The following LGALSL variants were observed in gnomAD, a reference collection of about 807,000 sequenced individuals.
LGALSL encodes galectin-related protein.
LGALSL carries 13 observed loss-of-function variants against 19.5 expected under a neutral mutation model. The ratio of observed to expected loss-of-function variants is 0.67; its 90% confidence interval spans 0.43 to 1.06. The LOEUF (loss-of-function observed/expected upper bound fraction) is 1.06. Ranked by LOEUF, LGALSL falls within the 50% of genes least tolerant of loss-of-function variation. The probability of loss-of-function intolerance (pLI) is 0.00; values close to 1 mark genes in which losing one functional copy is unlikely to be tolerated. For synonymous variants in LGALSL, 86 were observed against 78.3 expected, an observed-to-expected ratio of 1.10 and a Z score of -0.52; for missense variants, 189 against 219.3, an observed-to-expected ratio of 0.86 and a Z score of 0.87.
At chr2:64,458,098 C>A (rs1170497635) in intron 4 of LGALSL, among the ~76,000 whole-genome samples, 187 bp from the exon 5 acceptor site, 1 of 152,184 alleles carries the variant, frequency 6.6e-6, no homozygotes, top group Non-Finnish European at 1.5e-5. Context: ...ACATTCTACA[C>A]AGGAATCAGA....
intron 4 of LGALSL, among the ~76,000 whole-genome samples, chr2:64,457,049 T>C (rs1294649753): frequency 6.6e-6 from 1 of 152,170 alleles, no homozygotes; most frequent in African/African-American, 2.4e-5. Context: ...CCCCACTATC[T>C]TCTGGGCAGG....
Position 64,456,516 on chromosome 2 carries a change from C to T in LGALSL, c.375+51C>T, listed in dbSNP as rs375063070. 428 of 1,418,606 alleles carry T rather than the reference C, an allele frequency of 3.0e-4. 1 individual carries two copies. Among genetic ancestry groups the T allele is most frequent in the Middle Eastern group, 2.3e-3 (11 of 4,852 alleles). The allele number at this position is 1,418,606 out of a possible 1,614,324, so 87.9% of individuals were successfully genotyped here. ...CAGCCACTGGCAGGCTGATAATGTT[C>T]GACTTACCTAGTGTGTGCCAAGAAC... On this transcript the variant is annotated intron_variant, in intron 4 of 4. Transcript: ENST00000238875.
intron 4 of LGALSL, 87 bp from the exon 5 acceptor site, chr2:64,458,198 C>A: frequency 8.0e-7 from 1 of 1,254,310 alleles, no homozygotes; most frequent in Non-Finnish European, 1.1e-6. Context: ...ACTGAAGATA[C>A]TGCCTTTCTT....
chr2:64,456,159 C>T (rs1686732489), intron 3 of LGALSL, 129 bp from the exon 4 acceptor site: 1 of 702,538 alleles, frequency 1.4e-6, no homozygotes. Context: ...ATAATCTAAC[C>T]TCTCTTGAAG....
chr2:64,460,553 C>A lies in LGALSL; in HGVS notation c.*2125C>A, dbSNP rs942789827. Reference sequence around the variant, plus strand: ...TGACACGCTTATTCTGTCTACCTATCAGCTAACTCATTAGCAGCCAAGCCC... The same window carrying A: ...TGACACGCTTATTCTGTCTACCTATAAGCTAACTCATTAGCAGCCAAGCCC... On this transcript the variant is annotated 3_prime_UTR_variant, in exon 5 of 5. Transcript: ENST00000238875. The A allele has an allele frequency of 1.3e-5, 2 of 152,212 alleles. No individual in the cohort carries two copies. The highest frequency in any genetic ancestry group is 4.8e-5 in the African/African-American group (2 of 41,446). The allele number at this position is 152,212 out of a possible 1,614,324, so 9.4% of individuals were successfully genotyped here.
In LGALSL at chr2:64,455,367, C is replaced by G; in HGVS notation, c.60C>G (p.Asn20Lys). 6.2e-7 allele frequency: 1 copy of G among 1,613,742 alleles called. No individual in the cohort carries two copies. The highest frequency in any genetic ancestry group is 8.5e-7 in the Non-Finnish European group (1 of 1,179,600). Residue 20 changes from asparagine (N) to lysine (K), a missense_variant, in exon 2 of 5, where the codon AAC becomes AAG. Physicochemically the swap from Asn to Lys is moderately conservative, Grantham distance 94. Around this residue, in one of 3 missense-constraint regions of LGALSL, gnomAD observed 62 missense variants for 49.0 expected, o/e 1.27. Coordinates refer to ENST00000238875, the MANE Select transcript of LGALSL (RefSeq NM_014181.3). ...AVVKLDDGHLNNSLSSPVQAD... is the reference protein window; with the variant it reads ...AVVKLDDGHLKNSLSSPVQAD... The stretch of plus-strand genomic sequence containing the variant: ...AGAAACTAGATGATGGCCATTTAAA[C>G]AACTCTTTGAGCTCTCCAGTTCAAG...
chr2:64,454,707 C>A lies in LGALSL; in HGVS notation c.36+126C>A. ...GGCCGGCGCCCGGCGCGTGGGAAGG[C>A]GCCCGGTACCTGTTAGCAGCCGCTG... is the stretch of plus-strand genomic sequence containing the variant. On this transcript the variant is annotated intron_variant, in intron 1 of 4. Coordinates refer to ENST00000238875, the MANE Select transcript of LGALSL (RefSeq NM_014181.3). The surrounding 1 kb of genome is among the most constrained non-coding windows in gnomAD (Gnocchi z 5.1). The A allele has an allele frequency of 5.2e-6, 3 of 573,584 alleles. No homozygotes were observed. The highest frequency in any genetic ancestry group is 5.0e-6 in the Non-Finnish European group (2 of 399,080). 35.5% of individuals were successfully genotyped at this position (573,584 alleles called of 1,614,324 possible).
chr2:64,457,348 C>T (rs1686752087), intron 4 of LGALSL, among the ~76,000 whole-genome samples: 1 of 151,542 alleles, frequency 6.6e-6, no homozygotes, highest in African/African-American at 2.4e-5. Flanking sequence ...TGCTTGAGCC[C>T]AGGAATTCAA....
chr2:64,458,371 A>T lies in LGALSL; in HGVS notation c.462A>T (p.Leu154Phe). The T allele has an allele frequency of 6.2e-7, 1 of 1,614,080 alleles. No individual in the cohort carries two copies. The highest frequency in any genetic ancestry group is 8.5e-7 in the Non-Finnish European group (1 of 1,179,934). ...LFDFYHRIQTLSAIDTIKING... is the reference protein window; with the variant it reads ...LFDFYHRIQTFSAIDTIKING... ...ATTTTTACCATCGCATTCAAACGTT[A>T]TCTGCAATTGACACCATAAAGATAA... is the stretch of plus-strand genomic sequence containing the variant. Residue 154 changes from leucine (L) to phenylalanine (F), a missense_variant, in exon 5 of 5, where the codon TTA becomes TTT. Leu to Phe is a conservative substitution (Grantham distance 22, BLOSUM62 0). Transcript: ENST00000238875.
At chr2:64,456,789 A>G (rs3755190) in intron 4 of LGALSL, among the ~76,000 whole-genome samples, 15,270 of 152,278 alleles carry the variant, frequency 0.1, 829 homozygotes, top group Non-Finnish European at 0.13. Flanking sequence ...TGATTAATCA[A>G]TACTAAGTAC....
chr2:64,454,616 C>A lies in LGALSL; in HGVS notation c.36+35C>A. ...GCAGGGCGCGCGCGAGGCGCCCCTCCCCGCCGTCCCGCACTCCGCCGCCGC... is the reference window on the plus strand; with the variant it reads ...GCAGGGCGCGCGCGAGGCGCCCCTCACCGCCGTCCCGCACTCCGCCGCCGC... On this transcript the variant is annotated intron_variant, in intron 1 of 4. Transcript: ENST00000238875. The surrounding 1 kb of genome is among the most constrained non-coding windows in gnomAD (Gnocchi z 5.1). The A allele has an allele frequency of 7.4e-7, 1 of 1,357,424 alleles. No individual in the cohort carries two copies. The highest frequency in any genetic ancestry group is 9.5e-7 in the Non-Finnish European group (1 of 1,047,222). 84.1% of individuals were successfully genotyped at this position (1,357,424 alleles called of 1,614,324 possible). A position where few individuals can be genotyped will look rare whatever the true frequency, so the allele number is the denominator to read the frequency against.
chr2:64,457,141 C>G (rs1278994819), intron 4 of LGALSL, among the ~76,000 whole-genome samples: 2 of 152,118 alleles, frequency 1.3e-5, no homozygotes, highest in African/African-American at 2.4e-5. Context: ...ATAAGAGATG[C>G]AGGTAGTGGC....
rs1246801758 is a variant in LGALSL, at chr2:64,456,328, C to T, written c.238C>T (p.Pro80Ser). Reference sequence around the variant, plus strand: ...GACCTGTGGGGACTCAGAAGACCCTCCTGCCGATGTGGCAATCGAACTCAA... The same window carrying T: ...GACCTGTGGGGACTCAGAAGACCCTTCTGCCGATGTGGCAATCGAACTCAA... ...SLTCGDSEDPPADVAIELKAV... is the reference protein window; with the variant it reads ...SLTCGDSEDPSADVAIELKAV... The change falls in exon 4 of 5, where the codon CCT becomes TCT. Residue 80 changes from proline (P) to serine (S), a missense_variant. Pro to Ser is a moderately conservative substitution (Grantham distance 74). This residue lies in a region of LGALSL where 106 missense variants were observed against 119.3 expected (regional missense o/e 0.89). Transcript: ENST00000238875. The T allele has an allele frequency of 6.2e-7, 1 of 1,612,208 alleles. No individual in the cohort carries two copies. The highest frequency in any genetic ancestry group is 8.5e-7 in the Non-Finnish European group (1 of 1,179,304).
Position 64,455,663 on chromosome 2 carries a change from C to T in LGALSL, c.183C>T (p.Asp61=), listed in dbSNP as rs1010247789. 6.2e-7 allele frequency: 1 copy of T among 1,613,040 alleles called. No individual in the cohort carries two copies. The highest frequency in any genetic ancestry group is 8.5e-7 in the Non-Finnish European group (1 of 1,178,986). ...AGGTGTTAGTGATGGGCATCGTAGACCTCAACCCAGAGAGGTAAGGCAGAG... is the reference window on the plus strand; with the variant it reads ...AGGTGTTAGTGATGGGCATCGTAGATCTCAACCCAGAGAGGTAAGGCAGAG... ...GKKVLVMGIV[D]LNPESFAISL... Residue 61 remains aspartate, a synonymous_variant, in exon 3 of 5, where the codon GAC becomes GAT. Transcript: ENST00000238875.
At chr2:64,456,142 C>T (rs1686732249) in intron 3 of LGALSL, 146 bp from the exon 4 acceptor site, 5 of 630,042 alleles carry the variant, frequency 7.9e-6, no homozygotes, top group Non-Finnish European at 1.3e-5. Context: ...GTTTGACTTA[C>T]TTCTCCATAA....
At chr2:64,457,427 A>G (rs1194125555) in intron 4 of LGALSL, among the ~76,000 whole-genome samples, 2 of 152,178 alleles carry the variant, frequency 1.3e-5, no homozygotes, top group African/African-American at 2.4e-5. Flanking sequence ...CTGTCAAAAA[A>G]AAAAAAAATA....
At position 64,458,529 on chromosome 2, in the gene LGALSL, C is replaced by T. The variant is rs941938519; in HGVS notation, c.*101C>T. 20 of 1,238,642 alleles carry T rather than the reference C, an allele frequency of 1.6e-5. No homozygotes were observed. The highest frequency in any genetic ancestry group is 2.2e-5 in the Non-Finnish European group (20 of 900,214). The allele number at this position is 1,238,642 out of a possible 1,614,324, so 76.7% of individuals were successfully genotyped here. On this transcript the variant is annotated 3_prime_UTR_variant, in exon 5 of 5. Transcript: ENST00000238875. ...AAGATCTGGAGACTTAAAAAGAAAACAAAAACAAATGGCAAGTTTCACTTA... is the reference window on the plus strand; with the variant it reads ...AAGATCTGGAGACTTAAAAAGAAAATAAAAACAAATGGCAAGTTTCACTTA...
At position 64,459,674 on chromosome 2, in the gene LGALSL, C is replaced by T. The variant is rs1471050830; in HGVS notation, c.*1246C>T. On this transcript the variant is annotated 3_prime_UTR_variant, in exon 5 of 5. Transcript: ENST00000238875. ...TTAGTTTATCTGAAAGGTTAACTCC[C>T]AGGACTCCAGGTCTTTGAATCCAGC... is the stretch of plus-strand genomic sequence containing the variant. The T allele has an allele frequency of 6.6e-6, 1 of 152,220 alleles. No homozygotes were observed. The highest frequency in any genetic ancestry group is 1.5e-5 in the Non-Finnish European group (1 of 68,060). 9.4% of individuals were successfully genotyped at this position (152,220 alleles called of 1,614,324 possible).
At position 64,459,348 on chromosome 2, in the gene LGALSL, C is replaced by T. The variant is rs1271326469; in HGVS notation, c.*920C>T. 6.6e-6 allele frequency: 1 copy of T among 152,122 alleles called. No homozygotes were observed. Among genetic ancestry groups the T allele is most frequent in the East Asian group, 1.9e-4 (1 of 5,202 alleles). 9.4% of individuals were successfully genotyped at this position (152,122 alleles called of 1,614,324 possible). A position where few individuals can be genotyped will look rare whatever the true frequency, so the allele number is the denominator to read the frequency against. On this transcript the variant is annotated 3_prime_UTR_variant, in exon 5 of 5. Transcript: ENST00000238875. ...TCATTAAGTTGTTATTAATCAAAAA[C>T]ACAAAGAGGTGATTGCTTAGACAAT... is the stretch of plus-strand genomic sequence containing the variant.
Sources: gnomAD v4.1 joint callset for allele counts (sites outside exome capture counted in the v4.1 genomes callset) on GRCh38, gnomAD v4.1.1 for gene constraint, gnomAD v4.1.1 regional missense constraint, Gnocchi (gnomAD v3.1) non-coding constraint, MANE v1.5 for transcripts, NCBI Gene and HGNC (gene_info 2026-07-23, HGNC 2026-07-21) for gene names.